Variants in NRCAM observed in about 807,000 individuals in gnomAD.
NRCAM encodes the protein NgCAM-related cell adhesion molecule.
A neutral mutation model predicts 156.5 loss-of-function variants in NRCAM; 83 were observed. The observed-to-expected ratio is 0.53, with a 90% CI of 0.44 to 0.64. The LOEUF is 0.64. Ranked by LOEUF, NRCAM falls within the 30% of genes least tolerant of loss-of-function variation. The probability of loss-of-function intolerance (pLI) is 0.00; values close to 1 mark genes in which losing one functional copy is unlikely to be tolerated. For synonymous variants in NRCAM, 538 were observed against 563.9 expected (o/e 0.95, Z 0.65); for missense variants, 1,417 against 1,597.3 (o/e 0.89, Z 1.92).
chr7:108,240,541 C>T lies in NRCAM; in HGVS notation c.-106-371G>A, dbSNP rs1056939610. Among the ~76,000 whole-genome samples the T allele has an allele frequency of 3.9e-5, 6 of 152,318 alleles. No homozygotes were observed. In the East Asian group the frequency reaches 1.2e-3, roughly 29 times the overall value. ...TGACTTTAGAGGGGTAGCCTAATGGCTTCTCCATTCTACAGATTATCTCTG... is the reference window on the plus strand; with the variant it reads ...TGACTTTAGAGGGGTAGCCTAATGGTTTCTCCATTCTACAGATTATCTCTG... On this transcript the variant is annotated intron_variant, in intron 3 of 32. Transcript: ENST00000379028.
At chr7:108,199,061 C>T (rs910496399) in intron 13 of NRCAM, among the ~76,000 whole-genome samples, 7 of 152,160 alleles carry the variant, frequency 4.6e-5, no homozygotes, top group Admixed American at 6.5e-5. Context: ...TGTCTCAGCA[C>T]GATGATCAAA....
intron 31 of NRCAM, among the ~76,000 whole-genome samples, chr7:108,159,878 A>AT (rs994524520): frequency 8.0e-5 from 12 of 150,894 alleles, no homozygotes; most frequent in Admixed American, 1.3e-4. Context: ...TCTCTCACAG[A>AT]TTTTTTTTTT....
chr7:108,283,507 C>T (rs547742661), intron 3 of NRCAM, among the ~76,000 whole-genome samples: 2 of 152,184 alleles, frequency 1.3e-5, no homozygotes, highest in African/African-American at 4.8e-5. Flanking sequence ...GCAGGAGATG[C>T]GAATGAGGGG....
In NRCAM at chr7:108,383,118, C is replaced by CCA. The variant is rs1240660558; in HGVS notation, c.-174+16316_-174+16317dup. Among the ~76,000 whole-genome samples, 28 of 128,908 alleles carry CCA rather than the reference C, an allele frequency of 2.2e-4. 1 individual carries two copies. The highest frequency in any genetic ancestry group is 1.2e-3 in the East Asian group (4 of 3,418). 84.6% of individuals were successfully genotyped at this position (128,908 alleles called of 152,430 possible). A position where few individuals can be genotyped will look rare whatever the true frequency, so the allele number is the denominator to read the frequency against. On this transcript the variant is annotated intron_variant, in intron 2 of 32. Transcript: ENST00000379028. ...CCATCTATTCAACCACTGAGTCACA[C>CCA]CACACACACACACACGCTCTCACAC...
chr7:108,284,855 C>T (rs1007566356), intron 3 of NRCAM, among the ~76,000 whole-genome samples: 9 of 152,224 alleles, frequency 5.9e-5, no homozygotes, highest in African/African-American at 2.2e-4. Flanking sequence ...GCAGGACACA[C>T]TTCTTGTTCT....
At chr7:108,224,648 T>C (rs943568040) in intron 10 of NRCAM, among the ~76,000 whole-genome samples, 1 of 152,150 alleles carries the variant, frequency 6.6e-6, no homozygotes, top group African/African-American at 2.4e-5. Context: ...TAATGCATTA[T>C]CTACTTGATG....
At chr7:108,324,169 G>C (rs531941401) in intron 2 of NRCAM, among the ~76,000 whole-genome samples, 1 of 152,172 alleles carries the variant, frequency 6.6e-6, no homozygotes, top group East Asian at 1.9e-4. Context: ...GGTGGAATAG[G>C]CTGTATTGAG....
intron 1 of NRCAM, among the ~76,000 whole-genome samples, chr7:108,455,156 CGCTTTGGGAGAA>C (rs889663827): frequency 2.6e-5 from 4 of 152,142 alleles, no homozygotes; most frequent in Non-Finnish European, 2.9e-5. Context: ...CTGAGGACAC[CGCTTTGGGAGAA>C]ATGACGACTC....
At chr7:108,317,664 C>A (rs2098944331) in intron 2 of NRCAM, among the ~76,000 whole-genome samples, 1 of 152,174 alleles carries the variant, frequency 6.6e-6, no homozygotes, top group East Asian at 1.9e-4. Flanking sequence ...AATCCTAGCA[C>A]TTTGGGAGGT....
At chr7:108,272,846 G>A (rs926122419) in intron 3 of NRCAM, among the ~76,000 whole-genome samples, 36 of 151,994 alleles carry the variant, frequency 2.4e-4, no homozygotes, top group African/African-American at 8.4e-4. Context: ...TTGGTTTGCT[G>A]CACCTATCAA....
intron 3 of NRCAM, among the ~76,000 whole-genome samples, chr7:108,250,619 T>C (rs144128068): frequency 1.3e-5 from 2 of 151,110 alleles, no homozygotes; most frequent in East Asian, 1.9e-4. Context: ...GGGAGGGTGG[T>C]TGGGGTGGAA....
chr7:108,150,282 G>C, intron 32 of NRCAM, 135 bp from the exon 33 acceptor site: 1 of 730,942 alleles, frequency 1.4e-6, no homozygotes, highest in Admixed American at 2.4e-5. Flanking sequence ...TTTTCAGGTT[G>C]ACTCCAATGA....
intron 3 of NRCAM, among the ~76,000 whole-genome samples, chr7:108,267,300 G>A (rs1323659612): frequency 6.6e-6 from 1 of 152,202 alleles, no homozygotes; most frequent in Admixed American, 6.5e-5. Flanking sequence ...TAGAACTATA[G>A]AGAATTTTCT....
chr7:108,362,632 G>A (rs956014969), intron 2 of NRCAM, among the ~76,000 whole-genome samples: 1 of 152,134 alleles, frequency 6.6e-6, no homozygotes, highest in Non-Finnish European at 1.5e-5. Context: ...TGGATGGTAG[G>A]AGCCAAATTT....
intron 3 of NRCAM, among the ~76,000 whole-genome samples, chr7:108,248,518 A>G (rs978109958): frequency 6.6e-5 from 10 of 152,008 alleles, no homozygotes; most frequent in African/African-American, 2.4e-4. Flanking sequence ...TTCACATTCT[A>G]CTCCAGTGAG....
In NRCAM at chr7:108,335,434, C is replaced by CTTTTTTTTTTTTTTTTTTTTTTTTTTTT. The variant is rs58975301; in HGVS notation, c.-173-22704_-173-22703insAAAAAAAAAAAAAAAAAAAAAAAAAAAA. Among the ~76,000 whole-genome samples, 16 of 69,876 alleles carry CTTTTTTTTTTTTTTTTTTTTTTTTTTTT rather than the reference C, an allele frequency of 2.3e-4. 2 individuals carry two copies. Among genetic ancestry groups the CTTTTTTTTTTTTTTTTTTTTTTTTTTTT allele is most frequent in the East Asian group, 5.2e-4 (1 of 1,914 alleles). The allele number at this position is 69,876 out of a possible 152,430, so 45.8% of individuals were successfully genotyped here. On this transcript the variant is annotated intron_variant, in intron 2 of 32. Transcript: ENST00000379028. ...ATGTCCTGTGGATCTGTTCCACCTG[C>CTTTTTTTTTTTTTTTTTTTTTTTTTTTT]TTTTTTTTTTTTTTTTTTTTTTTTT...
intron 1 of NRCAM, among the ~76,000 whole-genome samples, chr7:108,420,325 T>C (rs1807752937): frequency 6.6e-6 from 1 of 152,138 alleles, no homozygotes; most frequent in Non-Finnish European, 1.5e-5. Context: ...CTTTTATGCA[T>C]TTTGACTTCT....
intron 15 of NRCAM, 126 bp from the exon 16 acceptor site, chr7:108,194,554 T>C: frequency 1.6e-6 from 1 of 635,082 alleles, no homozygotes; most frequent in Non-Finnish European, 2.6e-6. Context: ...AGAAGGATTG[T>C]ACTTTTGAAA....
At chr7:108,438,956 G>T (rs1350594007) in intron 1 of NRCAM, among the ~76,000 whole-genome samples, 1 of 152,084 alleles carries the variant, frequency 6.6e-6, no homozygotes, top group African/African-American at 2.4e-5. Flanking sequence ...TCAAAGCATT[G>T]TTAAGAGAAC....
Sources: gnomAD v4.1 joint callset for allele counts (sites outside exome capture counted in the v4.1 genomes callset) on GRCh38, gnomAD v4.1.1 for gene constraint, MANE v1.5 for transcripts, NCBI Gene and HGNC (gene_info 2026-07-23, HGNC 2026-07-21) for gene names.